The following WIPI1 variants were observed in gnomAD, a reference collection of about 807,000 sequenced individuals.
WIPI1 encodes WD repeat domain, phosphoinositide interacting 1.
WIPI1 carries 45 observed loss-of-function variants against 55.3 expected under a neutral mutation model. That is an observed-to-expected ratio of 0.81 (90% CI 0.64 to 1.04). The LOEUF (loss-of-function observed/expected upper bound fraction) is 1.04. Among genes scored for constraint, WIPI1 ranks in the 50% least tolerant of loss-of-function variants. The probability of loss-of-function intolerance (pLI) is 0.00; values close to 1 mark genes in which losing one functional copy is unlikely to be tolerated. For synonymous variants in WIPI1, 195 were observed against 217.6 expected (o/e 0.90, Z 0.92); for missense variants, 445 against 559.0 (o/e 0.80, Z 2.06).
At position 68,428,877 on chromosome 17, in the gene WIPI1, T is replaced by C; in HGVS notation, c.1025A>G (p.Asn342Ser). 6 of 1,614,120 alleles carry C rather than the reference T, an allele frequency of 3.7e-6. No individual in the cohort carries two copies. The highest frequency in any genetic ancestry group is 2.7e-5 in the African/African-American group (2 of 75,034). The change falls in exon 10 of 13, where the codon AAT becomes AGT. Residue 342 changes from asparagine to serine, a missense_variant. By Grantham distance (46) the Asn-to-Ser change is conservative (BLOSUM62 1). Coordinates refer to ENST00000262139, the MANE Select transcript of WIPI1 (RefSeq NM_017983.7). ...ASSSGHLYMY[N>S]LDPQDGGECV... ...CTCTCCTCCATCCTGAGGATCCAAA[T>C]TGTACATATAAAGGTGTCCACTGGA...
At chr17:68,455,260 G>A (rs1467758677) in intron 1 of WIPI1, among the ~76,000 whole-genome samples, 2 of 151,778 alleles carry the variant, frequency 1.3e-5, no homozygotes, top group Non-Finnish European at 2.9e-5. Flanking sequence ...CTACTTGAGA[G>A]GCTGAGACAG....
chr17:68,454,121 C>T (rs539697126), intron 1 of WIPI1, among the ~76,000 whole-genome samples: 6 of 152,312 alleles, frequency 3.9e-5, no homozygotes, highest in South Asian at 2.1e-4. Context: ...AAAGACAGGA[C>T]GTGAATCCAG....
At chr17:68,429,740 C>A (rs2083424851) in intron 9 of WIPI1, among the ~76,000 whole-genome samples, 1 of 152,148 alleles carries the variant, frequency 6.6e-6, no homozygotes, top group South Asian at 2.1e-4. Context: ...AGGCACGCAC[C>A]ACCATACCCG....
chr17:68,427,283 G>GA (rs1426447308), intron 10 of WIPI1, 30 bp from the exon 11 acceptor site: 2 of 1,549,680 alleles, frequency 1.3e-6, no homozygotes, highest in Non-Finnish European at 8.9e-7. Context: ...GGAGGTGAAA[G>GA]AAAAAAGAAA....
At chr17:68,431,225 T>C (rs2083496326) in intron 8 of WIPI1, among the ~76,000 whole-genome samples, 1 of 152,150 alleles carries the variant, frequency 6.6e-6, no homozygotes. Context: ...AGGCAGGAGC[T>C]AGTCCAGGAC....
chr17:68,443,516 A>G (rs1450009459), intron 4 of WIPI1, among the ~76,000 whole-genome samples: 2 of 152,250 alleles, frequency 1.3e-5, no homozygotes, highest in Non-Finnish European at 2.9e-5. Flanking sequence ...AGAAGGCATC[A>G]GAAGTATTTC....
At chr17:68,430,715 A>G (rs1018595092) in intron 8 of WIPI1, among the ~76,000 whole-genome samples, 2 of 152,206 alleles carry the variant, frequency 1.3e-5, no homozygotes, top group African/African-American at 4.8e-5. Flanking sequence ...TGTCGCCTAC[A>G]GTCATGGAAC....
In WIPI1 at chr17:68,433,760, G is replaced by GTTTTTTTTTTTTT. The variant is rs556777098; in HGVS notation, c.693-198_693-186dup. 1.4e-4 allele frequency among the ~76,000 whole-genome samples: 10 copies of GTTTTTTTTTTTTT among 72,822 alleles called. 2 individuals are homozygous for GTTTTTTTTTTTTT. The highest frequency in any genetic ancestry group is 5.9e-4 in the African/African-American group (9 of 15,268). The allele number at this position is 72,822 out of a possible 152,430, so 47.8% of individuals were successfully genotyped here. Reference sequence around the variant, plus strand: ...TCAGAAAGATTCACAAAGGGTCATAGTTTTTTTTTTTTTTTTTTTTTTTTT... The same window carrying GTTTTTTTTTTTTT: ...TCAGAAAGATTCACAAAGGGTCATAGTTTTTTTTTTTTTTTTTTTTTTTTTTTTTTTTTTTTTT... On this transcript the variant is annotated intron_variant, in intron 7 of 12. Coordinates refer to ENST00000262139, the MANE Select transcript of WIPI1 (RefSeq NM_017983.7).
At chr17:68,427,461 A>G (rs2083274439) in intron 10 of WIPI1, 1 of 373,710 alleles carries the variant, frequency 2.7e-6, no homozygotes, top group African/African-American at 2.1e-5. Flanking sequence ...GGTTCAAGCG[A>G]TTCTCCTGCC....
chr17:68,422,155 C>T lies in WIPI1; in HGVS notation c.1294-335G>A, dbSNP rs534333228. The T allele has an allele frequency of 2.0e-4, 46 of 232,406 alleles. 1 individual carries two copies. The highest frequency in any genetic ancestry group is 6.6e-4 in the African/African-American group (30 of 45,166). The allele number at this position is 232,406 out of a possible 1,614,324, so 14.4% of individuals were successfully genotyped here. ...TTAAAAAGTCAGTTTAGGCTGGGCG[C>T]GGTGGCTCACGCCTGTAATCCCAGA... On this transcript the variant is annotated intron_variant, in intron 12 of 12. Transcript: ENST00000262139.
Position 68,421,773 on chromosome 17 carries a change from T to C in WIPI1, c.1341A>G (p.Ter447TrpextTer1). The change falls in exon 13 of 13, where the codon TGA becomes TGG. Residue 447 changes from the stop codon to tryptophan, a stop_lost. Transcript: ENST00000262139. ...GNQKGKTKQS[*>W] is the part of the protein sequence containing the mutation. Reference sequence around the variant, plus strand: ...CCTGATTTCTGAGGTGTGCTTCTCATCATGACTGCTTCGTTTTGCCCTTCT... The same window carrying C: ...CCTGATTTCTGAGGTGTGCTTCTCACCATGACTGCTTCGTTTTGCCCTTCT... 6.2e-7 allele frequency: 1 copy of C among 1,614,232 alleles called. No homozygotes were observed. The highest frequency in any genetic ancestry group is 8.5e-7 in the Non-Finnish European group (1 of 1,180,040).
At chr17:68,436,803 C>T (rs994078956) in intron 4 of WIPI1, among the ~76,000 whole-genome samples, 8 of 151,968 alleles carry the variant, frequency 5.3e-5, no homozygotes, top group African/African-American at 1.9e-4. Context: ...TCCAGACAAG[C>T]CTGGCCAACA....
chr17:68,451,202 A>G (rs146174673), intron 2 of WIPI1, among the ~76,000 whole-genome samples: 1,724 of 152,344 alleles, frequency 0.011, 30 homozygotes, highest in African/African-American at 0.039. Context: ...AGGCTGAGGC[A>G]GGAGAATCAC....
At chr17:68,450,677 T>C (rs1350550945) in intron 3 of WIPI1, 51 bp downstream of exon 3, 1 of 1,548,128 alleles carries the variant, frequency 6.5e-7, no homozygotes, top group Non-Finnish European at 8.7e-7. Context: ...ATCTTTTTGT[T>C]TGGCTCCCGT....
chr17:68,450,651 A>G, intron 3 of WIPI1, 77 bp downstream of exon 3: 1 of 1,510,130 alleles, frequency 6.6e-7, no homozygotes, highest in Non-Finnish European at 8.9e-7. Context: ...ACAGACATTG[A>G]TCTTGAAAGA....
intron 2 of WIPI1, among the ~76,000 whole-genome samples, chr17:68,452,414 A>G (rs1208176975): frequency 6.6e-6 from 1 of 152,122 alleles, no homozygotes; most frequent in African/African-American, 2.4e-5. Context: ...AAAATACAAA[A>G]ATTAGCTGGG....
intron 1 of WIPI1, among the ~76,000 whole-genome samples, chr17:68,453,798 T>C (rs537330094): frequency 6.6e-6 from 1 of 152,160 alleles, no homozygotes; most frequent in African/African-American, 2.4e-5. Context: ...AAAGTAGGCA[T>C]AGTAGGTCAT....
intron 1 of WIPI1, 72 bp from the exon 2 acceptor site, chr17:68,453,064 C>A: frequency 8.0e-7 from 1 of 1,251,678 alleles, no homozygotes; most frequent in Non-Finnish European, 1.2e-6. Context: ...AAATAGATGC[C>A]TTTTGCCCCC....
Position 68,425,074 on chromosome 17 carries a change from C to T in WIPI1, c.1293+1001G>A, listed in dbSNP as rs987725724. On this transcript the variant is annotated intron_variant, in intron 12 of 12. Transcript: ENST00000262139. The stretch of plus-strand genomic sequence containing the variant: ...CAGTTCCAGGTGATGGAAGAAGCCA[C>T]GCCCAGCACTCAGCCAGCCCCGAGG... Among the ~76,000 whole-genome samples the T allele has an allele frequency of 1.2e-4, 18 of 152,312 alleles. 1 individual carries two copies. Among genetic ancestry groups the T allele is most frequent in the African/African-American group, 3.4e-4 (14 of 41,566 alleles).
Sources: allele counts gnomAD v4.1 joint callset (sites outside exome capture counted in the v4.1 genomes callset), GRCh38; gene constraint gnomAD v4.1.1; transcripts MANE v1.5; gene names NCBI Gene and HGNC (gene_info 2026-07-23, HGNC 2026-07-21).